Variants in NGEF observed in about 807,000 individuals in gnomAD.
The protein encoded by NGEF is ephexin-1.
NGEF carries 31 observed loss-of-function variants against 80.9 expected under a neutral mutation model. The ratio of observed to expected loss-of-function variants is 0.38; its 90% CI spans 0.29 to 0.52. The LOEUF (loss-of-function observed/expected upper bound fraction) is 0.52, where lower values mean the gene tolerates loss of function less well. Ranked by LOEUF, NGEF falls within the 20% of genes least tolerant of loss-of-function variation. The pLI is 0.84. For missense variants in NGEF, 709 were observed against 926.2 expected, an observed-to-expected ratio of 0.77 and a Z score of 3.04; for synonymous variants, 371 against 370.2, an observed-to-expected ratio of 1.00 and a Z score of -0.03.
chr2:232,884,655 G>A (rs1013201062), intron 10 of NGEF, among the ~76,000 whole-genome samples: 1 of 152,176 alleles, frequency 6.6e-6, no homozygotes, highest in Non-Finnish European at 1.5e-5. Context: ...GCAGCTGAAC[G>A]GCCGCCTGGC....
rs1553559475 is a variant in NGEF, at chr2:232,993,166, TTA to T, written c.-74-18204_-74-18203del. ...ATATATATGGGCAAATATATATATA[TTA>T]TATATATAAATAAATATATATATTT... On this transcript the variant is annotated intron_variant, in intron 1 of 14. Coordinates refer to ENST00000264051, the MANE Select transcript of NGEF (RefSeq NM_019850.3). Among the ~76,000 whole-genome samples the T allele has an allele frequency of 3.1e-3, 291 of 93,404 alleles. 6 individuals carry two copies. The highest frequency in any genetic ancestry group is 0.019 in the African/African-American group (260 of 13,462). 61.3% of individuals were successfully genotyped at this position (93,404 alleles called of 152,430 possible). A position where few individuals can be genotyped will look rare whatever the true frequency, so the allele number is the denominator to read the frequency against.
At chr2:232,902,862 C>T (rs1440685008) in intron 5 of NGEF, among the ~76,000 whole-genome samples, 2 of 152,090 alleles carry the variant, frequency 1.3e-5, no homozygotes, top group Non-Finnish European at 2.9e-5. Flanking sequence ...GGCATGGTGG[C>T]CGGTGTCTGT....
intron 3 of NGEF, among the ~76,000 whole-genome samples, chr2:232,958,383 C>T (rs1693875720): frequency 6.6e-6 from 1 of 152,172 alleles, no homozygotes. Context: ...CAGGATACTT[C>T]TGGACCAGTC....
intron 5 of NGEF, among the ~76,000 whole-genome samples, chr2:232,917,172 G>GC (rs771901832): frequency 9.2e-5 from 14 of 152,356 alleles, no homozygotes; most frequent in Admixed American, 4.6e-4. Context: ...GTCCAGGGAA[G>GC]ACAAGTTGCT....
At chr2:232,943,535 GC>G (rs1292277886) in intron 3 of NGEF, among the ~76,000 whole-genome samples, 3 of 134,458 alleles carry the variant, frequency 2.2e-5, no homozygotes, top group Non-Finnish European at 3.2e-5. Context: ...TCACTCTGTC[GC>G]CCAGGCTGGA....
At chr2:232,953,841 G>C (rs1381045022) in intron 3 of NGEF, among the ~76,000 whole-genome samples, 1 of 152,086 alleles carries the variant, frequency 6.6e-6, no homozygotes, top group Admixed American at 6.6e-5. Context: ...GGGAAGCGGT[G>C]GCTAAATGTC....
intron 5 of NGEF, among the ~76,000 whole-genome samples, chr2:232,899,862 A>ACAGT (rs1265666966): frequency 7.4e-6 from 1 of 135,220 alleles, no homozygotes; most frequent in Non-Finnish European, 1.6e-5. Context: ...ACACGCTCTC[A>ACAGT]CAGTCACTCA....
chr2:232,956,052 T>C lies in NGEF; in HGVS notation c.383+14162A>G, dbSNP rs183949949. On this transcript the variant is annotated intron_variant, in intron 3 of 14. Coordinates refer to ENST00000264051, the MANE Select transcript of NGEF (RefSeq NM_019850.3). ...GTGACTGCAGTTTAGCATGTGCTTG[T>C]ATGTGCTGGACCCTGTCTACTGTGT... is the stretch of plus-strand genomic sequence containing the variant. Among the ~76,000 whole-genome samples, 6 of 152,320 alleles carry C rather than the reference T, an allele frequency of 3.9e-5. No individual in the cohort carries two copies. In the East Asian group the frequency reaches 1.2e-3, roughly 29 times the overall value.
intron 1 of NGEF, among the ~76,000 whole-genome samples, chr2:232,994,913 G>A (rs1694746094): frequency 7.0e-6 from 1 of 142,668 alleles, no homozygotes; most frequent in African/African-American, 2.6e-5. Context: ...ACATACACAT[G>A]TATTATATAC....
intron 3 of NGEF, among the ~76,000 whole-genome samples, chr2:232,955,665 T>C (rs1443454726): frequency 6.6e-6 from 1 of 152,176 alleles, no homozygotes; most frequent in East Asian, 1.9e-4. Context: ...ATTACAGGCA[T>C]GTGCCACCAC....
chr2:232,923,809 G>A (rs532022999), intron 4 of NGEF, among the ~76,000 whole-genome samples: 1 of 152,332 alleles, frequency 6.6e-6, no homozygotes, highest in Admixed American at 6.5e-5. Context: ...TGGTGTGAGT[G>A]CTGGTGTCCC....
rs539962747 is a variant in NGEF, at chr2:232,905,155, A to G, written c.829-10239T>C. On this transcript the variant is annotated intron_variant, in intron 5 of 14. Coordinates refer to ENST00000264051, the MANE Select transcript of NGEF (RefSeq NM_019850.3). ...CACGGTCTCCCTCTCATGCCGAGCC[A>G]AAGCTGGACTGTCCTGCTGCCATCT... Among the ~76,000 whole-genome samples, 21 of 152,034 alleles carry G rather than the reference A, an allele frequency of 1.4e-4. No individual in the cohort carries two copies. In the East Asian group the frequency reaches 3.7e-3, roughly 27 times the overall value.
chr2:232,959,131 A>G (rs987029784), intron 3 of NGEF, among the ~76,000 whole-genome samples: 1 of 152,136 alleles, frequency 6.6e-6, no homozygotes, highest in Admixed American at 6.5e-5. Context: ...CAATCCATTG[A>G]TATTTCTTCA....
intron 1 of NGEF, among the ~76,000 whole-genome samples, chr2:232,989,822 A>G (rs1694617418): frequency 6.6e-6 from 1 of 152,244 alleles, no homozygotes. Flanking sequence ...ACTTAAAAAA[A>G]TTGAGGCAAT....
intron 5 of NGEF, among the ~76,000 whole-genome samples, chr2:232,899,619 C>T (rs1692212470): frequency 6.8e-6 from 1 of 146,764 alleles, no homozygotes; most frequent in African/African-American, 2.5e-5. Flanking sequence ...CTCACACACA[C>T]ATGCTCTCAC....
At position 232,879,521 on chromosome 2, in the gene NGEF, G is replaced by T. The variant is rs771268988; in HGVS notation, c.2101C>A (p.Arg701Ser). 6.2e-7 allele frequency: 1 copy of T among 1,611,552 alleles called. No homozygotes were observed. The highest frequency in any genetic ancestry group is 8.5e-7 in the Non-Finnish European group (1 of 1,178,172). ...DDPQRSQNKD[R>S]RKLGSRNRQ Reference sequence around the variant, plus strand: ...CGATTCCGGCTGCCCAGCTTCCTGCGGTCCTTGTTCTGGCTGCGCTGAGGG... The same window carrying T: ...CGATTCCGGCTGCCCAGCTTCCTGCTGTCCTTGTTCTGGCTGCGCTGAGGG... Residue 701 changes from arginine to serine, a missense_variant, in exon 15 of 15, where the codon CGC becomes AGC. By Grantham distance (110) the Arg-to-Ser change is moderately radical (BLOSUM62 -1). Around this residue, in one of 2 missense-constraint regions of NGEF, gnomAD observed 426 missense variants for 622.9 expected, o/e 0.68. Coordinates refer to ENST00000264051, the MANE Select transcript of NGEF (RefSeq NM_019850.3).
intron 3 of NGEF, among the ~76,000 whole-genome samples, chr2:232,964,466 G>GC (rs138445204): frequency 0.02 from 2,981 of 152,278 alleles, 90 homozygotes; most frequent in African/African-American, 0.067. Context: ...GCTGAGGCAG[G>GC]CAGATGCCTT....
chr2:232,970,109 A>AT (rs923016594), intron 3 of NGEF, 105 bp downstream of exon 3: 22 of 506,820 alleles, frequency 4.3e-5, no homozygotes, highest in African/African-American at 1.2e-4. Flanking sequence ...AGTTATTATT[A>AT]TTTTTTTTAA....
chr2:232,953,067 G>A (rs1189608022), intron 3 of NGEF, among the ~76,000 whole-genome samples: 4 of 150,634 alleles, frequency 2.7e-5, no homozygotes, highest in Non-Finnish European at 5.9e-5. Context: ...ACTTTGGGAG[G>A]CCAAGGTGGG....
Sources: gnomAD v4.1 joint callset for allele counts (sites outside exome capture counted in the v4.1 genomes callset) on GRCh38, gnomAD v4.1.1 for gene constraint, gnomAD v4.1.1 regional missense constraint, MANE v1.5 for transcripts, NCBI Gene and HGNC (gene_info 2026-07-23, HGNC 2026-07-21) for gene names.